STX3: variants seen among roughly 807,000 people sequenced by gnomAD.
The protein encoded by STX3 is syntaxin-3.
A neutral mutation model predicts 40.2 loss-of-function variants in STX3; 19 were observed. That is an observed-to-expected ratio of 0.47 (90% CI 0.33 to 0.69). The LOEUF (loss-of-function observed/expected upper bound fraction) is 0.69. Among genes scored for constraint, STX3 ranks in the 30% least tolerant of loss-of-function variants. STX3 has a pLI of 0.02. For missense variants in STX3, 364 were observed against 366.7 expected, an observed-to-expected ratio of 0.99 and a Z score of 0.06; for synonymous variants, 122 against 132.2, an observed-to-expected ratio of 0.92 and a Z score of 0.53.
chr11:59,776,461 T>C (rs1863970801), intron 2 of STX3, among the ~76,000 whole-genome samples: 1 of 151,708 alleles, frequency 6.6e-6, no homozygotes, highest in Non-Finnish European at 1.5e-5. Flanking sequence ...GATATACTGT[T>C]GAAATTGGGA....
intron 2 of STX3, among the ~76,000 whole-genome samples, chr11:59,778,831 CTT>C (rs112512362): frequency 1.1e-4 from 14 of 125,738 alleles, no homozygotes; most frequent in Admixed American, 2.5e-4. Context: ...TTTTCTTTTC[CTT>C]TTTTTTTTTT....
rs374751357 is a variant in STX3 at position 59,793,181 on chromosome 11, C to A, written c.540+9C>A. The A allele has an allele frequency of 3.3e-5, 54 of 1,612,554 alleles. No homozygotes were observed. Among genetic ancestry groups the A allele is most frequent in the Non-Finnish European group, 4.4e-5 (52 of 1,179,760 alleles). On this transcript the variant is annotated intron_variant, in intron 7 of 10. Coordinates refer to ENST00000337979, the MANE Select transcript of STX3 (RefSeq NM_004177.5). The stretch of plus-strand genomic sequence containing the variant: ...CCATCTTCACTTCTGGGGTGAGTGC[C>A]CTGTGTGCTCGGATAGCACATCCCT...
intron 2 of STX3, among the ~76,000 whole-genome samples, chr11:59,782,288 T>C (rs1864439805): frequency 6.6e-6 from 1 of 152,246 alleles, no homozygotes; most frequent in Non-Finnish European, 1.5e-5. Context: ...GGGTGGCTAC[T>C]GATGAGGTCA....
chr11:59,790,492 CAAGTA>C, intron 4 of STX3, 22 bp from the exon 5 acceptor site: 3 of 1,580,112 alleles, frequency 1.9e-6, no homozygotes, highest in Non-Finnish European at 2.6e-6. Context: ...AGATAGGTTG[CAAGTA>C]TAACCTTCCT....
chr11:59,760,270 C>G (rs758402953), intron 1 of STX3, among the ~76,000 whole-genome samples: 2 of 152,142 alleles, frequency 1.3e-5, no homozygotes, highest in African/African-American at 2.4e-5. Context: ...AAAGCTTCCT[C>G]CCTGCCTTTT....
rs1865903541 is a variant in STX3, at chr11:59,801,962, A to T, written c.*1138A>T. 1 of 985,344 alleles carries T rather than the reference A, an allele frequency of 1.0e-6. No homozygotes were observed. The highest frequency in any genetic ancestry group is 1.1e-4 in the East Asian group (1 of 8,828). The allele number at this position is 985,344 out of a possible 1,614,324, so 61.0% of individuals were successfully genotyped here. A position where few individuals can be genotyped will look rare whatever the true frequency, so the allele number is the denominator to read the frequency against. ...TCTGGATGAATACTGGGAGAATAAA[A>T]TGAGAACTCTGGAGTGAGCTAAATT... On this transcript the variant is annotated 3_prime_UTR_variant, in exon 11 of 11. Transcript: ENST00000337979.
intron 1 of STX3, among the ~76,000 whole-genome samples, chr11:59,759,858 T>C (rs763393584): frequency 1.3e-5 from 2 of 152,252 alleles, no homozygotes; most frequent in Non-Finnish European, 2.9e-5. Context: ...GTACTTCTCC[T>C]TTAAAGCTTA....
chr11:59,797,317 T>C lies in STX3; in HGVS notation c.821T>C (p.Leu274Ser), dbSNP rs1254703960. The C allele has an allele frequency of 6.2e-7, 1 of 1,614,172 alleles. No homozygotes were observed. The highest frequency in any genetic ancestry group is 1.1e-5 in the South Asian group (1 of 91,088). Reference sequence around the variant, plus strand: ...ATTATCATTGTGCTAGTAGTTGTGTTGCTGGGCATTTTAGCATTGATTATT... The same window carrying C: ...ATTATCATTGTGCTAGTAGTTGTGTCGCTGGGCATTTTAGCATTGATTATT... Reference protein sequence around the residue: ...LIIIIVLVVVLLGILALIIGL... With the variant: ...LIIIIVLVVVSLGILALIIGL... The change falls in exon 10 of 11, where the codon TTG becomes TCG. Residue 274 changes from leucine (L) to serine (S), a missense_variant. By Grantham distance (145) the Leu-to-Ser change is moderately radical. Coordinates refer to ENST00000337979, the MANE Select transcript of STX3 (RefSeq NM_004177.5).
chr11:59,796,507 A>G (rs1865525686), intron 9 of STX3, among the ~76,000 whole-genome samples: 1 of 152,150 alleles, frequency 6.6e-6, no homozygotes, highest in Middle Eastern at 3.2e-3. Context: ...CTGGGAAGTT[A>G]TTTTACATGG....
At chr11:59,799,736 C>T (rs913547074) in intron 10 of STX3, 5 of 985,258 alleles carry the variant, frequency 5.1e-6, no homozygotes, top group Non-Finnish European at 6.0e-6. Context: ...CAGCTTATTA[C>T]AGCATTGAGC....
In STX3 at chr11:59,800,943, C is replaced by A; in HGVS notation, c.*119C>A. On this transcript the variant is annotated 3_prime_UTR_variant, in exon 11 of 11. Coordinates refer to ENST00000337979, the MANE Select transcript of STX3 (RefSeq NM_004177.5). ...GGCCTTCCTGAGAGCGAGTGCGACCCGTTCCTTTGTTTCCTTGCAACCACC... is the reference window on the plus strand; with the variant it reads ...GGCCTTCCTGAGAGCGAGTGCGACCAGTTCCTTTGTTTCCTTGCAACCACC... 1 of 1,536,024 alleles carries A rather than the reference C, an allele frequency of 6.5e-7. No homozygotes were observed. The highest frequency in any genetic ancestry group is 1.7e-4 in the Middle Eastern group (1 of 5,988).
At chr11:59,779,363 C>CT (rs1205854935) in intron 2 of STX3, among the ~76,000 whole-genome samples, 2 of 152,156 alleles carry the variant, frequency 1.3e-5, no homozygotes, top group Non-Finnish European at 2.9e-5. Context: ...CAAGCTAGCT[C>CT]TTTGGCCTCT....
intron 9 of STX3, among the ~76,000 whole-genome samples, chr11:59,796,428 ATAT>A (rs1409962485): frequency 7.2e-5 from 11 of 152,076 alleles, no homozygotes; most frequent in Admixed American, 6.5e-4. Context: ...TTGGGCTCTG[ATAT>A]TGTTGTTGTT....
intron 3 of STX3, 48 bp from the exon 4 acceptor site, chr11:59,788,825 A>G: frequency 6.6e-7 from 1 of 1,515,010 alleles, no homozygotes; most frequent in Non-Finnish European, 9.1e-7. Flanking sequence ...TCACAAAGGA[A>G]TCAGTCCTCT....
intron 10 of STX3, 68 bp from the exon 11 acceptor site, chr11:59,800,787 T>A: frequency 1.3e-6 from 2 of 1,534,766 alleles, no homozygotes; most frequent in Non-Finnish European, 1.7e-6. Flanking sequence ...GGTTTGTGGC[T>A]GACTCCTTCT....
intron 1 of STX3, among the ~76,000 whole-genome samples, chr11:59,766,426 A>G (rs1232377971): frequency 6.6e-6 from 1 of 152,094 alleles, no homozygotes; most frequent in Non-Finnish European, 1.5e-5. Context: ...CTTATATTGA[A>G]TCCCAGTGTA....
intron 1 of STX3, among the ~76,000 whole-genome samples, chr11:59,759,066 A>T (rs930308278): frequency 6.6e-6 from 1 of 152,194 alleles, no homozygotes; most frequent in African/African-American, 2.4e-5. Context: ...AGAAGTAGTA[A>T]TGCTTGAGCT....
At chr11:59,792,934 T>A (rs1865287388) in intron 6 of STX3, among the ~76,000 whole-genome samples, 165 bp from the exon 7 acceptor site, 1 of 152,158 alleles carries the variant, frequency 6.6e-6, no homozygotes, top group Admixed American at 6.5e-5. Context: ...GTGTTAAGGA[T>A]GGCTTGGATT....
At chr11:59,792,287 C>A in intron 6 of STX3, 72 bp downstream of exon 6, 3 of 1,336,328 alleles carry the variant, frequency 2.2e-6, no homozygotes, top group Non-Finnish European at 3.2e-6. Flanking sequence ...AGTTTTGAGG[C>A]CCTGGTGGAG....
Sources: gnomAD v4.1 joint callset for allele counts (sites outside exome capture counted in the v4.1 genomes callset) on GRCh38, gnomAD v4.1.1 for gene constraint, MANE v1.5 for transcripts, NCBI Gene and HGNC (gene_info 2026-07-23, HGNC 2026-07-21) for gene names.